The following ARHGAP26 variants were observed in gnomAD, a reference collection of about 807,000 sequenced individuals.
ARHGAP26 encodes rho GTPase-activating protein 26.
In ARHGAP26, 38 loss-of-function variants were observed where a neutral mutation model predicts 104.8. The ratio of observed to expected loss-of-function variants is 0.36; its 90% CI spans 0.28 to 0.48. The LOEUF is 0.48. ARHGAP26 is among the 20% of genes least tolerant of loss of function. The probability of loss-of-function intolerance (pLI) is 0.99; values close to 1 mark genes in which losing one functional copy is unlikely to be tolerated. For missense variants in ARHGAP26, 704 were observed against 947.9 expected (o/e 0.74, Z 3.38); for synonymous variants, 341 against 340.0 (o/e 1.00, Z -0.03).
intron 22 of ARHGAP26, chr5:143,216,354 C>A (rs760283585): frequency 1.3e-5 from 6 of 465,632 alleles, no homozygotes; most frequent in South Asian, 7.7e-5. Flanking sequence ...CTTTGAAAAA[C>A]GGAAATGGCA....
chr5:142,955,103 C>CACACACACAT (rs1769015474), intron 11 of ARHGAP26, among the ~76,000 whole-genome samples: 1 of 151,268 alleles, frequency 6.6e-6, no homozygotes, highest in Admixed American at 6.6e-5. Flanking sequence ...TCTACACACA[C>CACACACACAT]ACACACACAC....
chr5:142,857,719 G>C (rs931366569), intron 1 of ARHGAP26, among the ~76,000 whole-genome samples: 3 of 152,158 alleles, frequency 2.0e-5, no homozygotes, highest in African/African-American at 7.2e-5. Context: ...TCTTGGAGGT[G>C]TGTTGCCAGG....
chr5:142,906,467 T>C (rs1761121292), intron 8 of ARHGAP26, among the ~76,000 whole-genome samples: 1 of 152,212 alleles, frequency 6.6e-6, no homozygotes, highest in Admixed American at 6.5e-5. Context: ...TGTACTTATG[T>C]AAGGAAGAGT....
intron 17 of ARHGAP26, among the ~76,000 whole-genome samples, chr5:143,070,818 A>G (rs1266750611): frequency 6.6e-6 from 1 of 152,172 alleles, no homozygotes; most frequent in Non-Finnish European, 1.5e-5. Flanking sequence ...AGGCTGAGGC[A>G]GGAGAATCAC....
At chr5:143,206,432 C>A (rs1808560910) in intron 20 of ARHGAP26, among the ~76,000 whole-genome samples, 1 of 152,242 alleles carries the variant, frequency 6.6e-6, no homozygotes, top group Admixed American at 6.5e-5. Flanking sequence ...CCTCTCCAAA[C>A]TTTTGATTAG....
At chr5:143,127,688 T>G (rs1796879264) in intron 18 of ARHGAP26, among the ~76,000 whole-genome samples, 1 of 152,334 alleles carries the variant, frequency 6.6e-6, no homozygotes, top group South Asian at 2.1e-4. Context: ...GGGCCACCAA[T>G]CTGCCTTGAT....
At chr5:143,066,623 C>T (rs1787531548) in intron 17 of ARHGAP26, among the ~76,000 whole-genome samples, 1 of 152,178 alleles carries the variant, frequency 6.6e-6, no homozygotes, top group Non-Finnish European at 1.5e-5. Flanking sequence ...ATAAGTCATT[C>T]TTGCTGACTA....
chr5:142,974,036 TAG>T (rs1255138690), intron 11 of ARHGAP26, among the ~76,000 whole-genome samples: 3 of 152,234 alleles, frequency 2.0e-5, no homozygotes, highest in African/African-American at 7.2e-5. Context: ...AGCATGTTTT[TAG>T]AGTCTGTTTA....
chr5:142,952,292 G>A (rs1265995458), intron 11 of ARHGAP26, among the ~76,000 whole-genome samples: 1 of 152,202 alleles, frequency 6.6e-6, no homozygotes, highest in Admixed American at 6.5e-5. Flanking sequence ...TTTTATGGGT[G>A]TCATATGCCA....
rs76487206 is a variant in ARHGAP26, at chr5:143,214,161, T to C, written c.2191+73T>C. On this transcript the variant is annotated intron_variant, in intron 22 of 22. Coordinates refer to ENST00000645722, the MANE Select transcript of ARHGAP26 (RefSeq NM_001135608.3). ...AGGGGAGCACATAAATAACTGGCATTTTCAAAGCTCCTCCCGAGGGAAAAT... is the reference window on the plus strand; with the variant it reads ...AGGGGAGCACATAAATAACTGGCATCTTCAAAGCTCCTCCCGAGGGAAAAT... The C allele has an allele frequency of 6.0e-3, 5,378 of 889,478 alleles. 257 individuals are homozygous for C. In the African/African-American group the frequency reaches 0.084, roughly 14 times the overall value. 55.1% of individuals were successfully genotyped at this position (889,478 alleles called of 1,614,324 possible).
At chr5:142,956,409 C>G (rs1769240268) in intron 11 of ARHGAP26, among the ~76,000 whole-genome samples, 1 of 151,962 alleles carries the variant, frequency 6.6e-6, no homozygotes, top group Non-Finnish European at 1.5e-5. Flanking sequence ...GAACTGGTCT[C>G]TACTAAAAAT....
chr5:142,992,448 T>C (rs1251129315), intron 11 of ARHGAP26, among the ~76,000 whole-genome samples: 2 of 151,710 alleles, frequency 1.3e-5, no homozygotes, highest in African/African-American at 4.8e-5. Context: ...TTATTTTTTT[T>C]TTTGAGAGGG....
chr5:143,190,117 A>G (rs1254401786), intron 20 of ARHGAP26, among the ~76,000 whole-genome samples: 1 of 151,970 alleles, frequency 6.6e-6, no homozygotes. Context: ...TACTGTAATG[A>G]TTCAAATCCT....
rs1406601448 is a variant in ARHGAP26 at position 142,913,194 on chromosome 5, A to G, written c.934-5A>G. 2 of 1,613,498 alleles carry G rather than the reference A, an allele frequency of 1.2e-6. No homozygotes were observed. Among genetic ancestry groups the G allele is most frequent in the Admixed American group, 1.7e-5 (1 of 60,022 alleles). ...TCATCTTGATAGTCTGTGTGTTCCC[A>G]CTAGGGAGAAGATGAATCAGTTATC... On this transcript the variant is annotated splice_polypyrimidine_tract_variant and splice_region_variant and intron_variant, in intron 9 of 22. Coordinates refer to ENST00000645722, the MANE Select transcript of ARHGAP26 (RefSeq NM_001135608.3).
intron 1 of ARHGAP26, among the ~76,000 whole-genome samples, chr5:142,869,895 C>A (rs762444735): frequency 5.9e-5 from 9 of 152,172 alleles, no homozygotes; most frequent in Non-Finnish European, 1.2e-4. Flanking sequence ...TGGGAGCAGT[C>A]TCTCAAGGCC....
intron 21 of ARHGAP26, 136 bp from the exon 22 acceptor site, chr5:143,213,861 T>C (rs1208732361): frequency 4.2e-6 from 2 of 473,344 alleles, no homozygotes; most frequent in Non-Finnish European, 7.8e-6. Context: ...TGTCTTGCCA[T>C]CTGGCTGCCT....
At chr5:143,161,130 G>A (rs1801186907) in intron 20 of ARHGAP26, among the ~76,000 whole-genome samples, 1 of 149,694 alleles carries the variant, frequency 6.7e-6, no homozygotes, top group East Asian at 2.0e-4. Context: ...TCATGCCTCA[G>A]CCTCATGAGT....
At chr5:142,988,947 C>T (rs1775189677) in intron 11 of ARHGAP26, among the ~76,000 whole-genome samples, 1 of 152,188 alleles carries the variant, frequency 6.6e-6, no homozygotes, top group African/African-American at 2.4e-5. Flanking sequence ...TCGTCTGGTG[C>T]TGAGAAGAAT....
At chr5:143,096,343 G>GT (rs1248518879) in intron 17 of ARHGAP26, among the ~76,000 whole-genome samples, 1 of 152,118 alleles carries the variant, frequency 6.6e-6, no homozygotes, top group African/African-American at 2.4e-5. Flanking sequence ...AAATTATGAC[G>GT]TTTTCTTGAA....
Sources: allele counts gnomAD v4.1 joint callset (sites outside exome capture counted in the v4.1 genomes callset), GRCh38; gene constraint gnomAD v4.1.1; transcripts MANE v1.5; gene names NCBI Gene and HGNC (gene_info 2026-07-23, HGNC 2026-07-21).